Variants in LRRC37A2 observed in about 807,000 individuals in gnomAD.
LRRC37A2 encodes the protein leucine rich repeat containing 37 member A2, also known as leucine-rich repeat-containing protein 37A2.
A neutral mutation model predicts 68.8 loss-of-function variants in LRRC37A2; 9 were observed. The ratio of observed to expected loss-of-function variants is 0.13; its 90% CI spans 0.08 to 0.23. The LOEUF (loss-of-function observed/expected upper bound fraction) is 0.23, where lower values mean the gene tolerates loss of function less well. Among genes scored for constraint, LRRC37A2 ranks in the 10% least tolerant of loss-of-function variants. The pLI, the probability that LRRC37A2 is intolerant of heterozygous loss-of-function variation, is 1.00. For missense variants in LRRC37A2, 168 were observed against 950.4 expected, an observed-to-expected ratio of 0.18 and a Z score of 10.82; for synonymous variants, 63 against 367.6, an observed-to-expected ratio of 0.17 and a Z score of 9.48.
the LRRC37A2 span, among the ~76,000 whole-genome samples, chr17:46,877,556 G>A: frequency 2.6e-5 from 4 of 152,154 alleles, no homozygotes; most frequent in African/African-American, 7.2e-5. Flanking sequence ...GCCCCTCCCT[G>A]TGTTCCCTGC....
chr17:46,882,111 G>A, the LRRC37A2 span, among the ~76,000 whole-genome samples: 7 of 152,300 alleles, frequency 4.6e-5, no homozygotes, highest in Admixed American at 1.3e-4. Flanking sequence ...AGCTGTGATT[G>A]CACCACTGCC....
the LRRC37A2 span, chr17:46,874,825 G>A: frequency 1.6e-5 from 9 of 578,318 alleles, no homozygotes; most frequent in African/African-American, 9.4e-5. Context: ...TGATCCGCCC[G>A]CCTTGGCCTC....
At chr17:46,974,473 G>A in the LRRC37A2 span, among the ~76,000 whole-genome samples, 14 of 152,316 alleles carry the variant, frequency 9.2e-5, no homozygotes, top group African/African-American at 3.1e-4. Flanking sequence ...GGTGGCTCAC[G>A]CCTGTAATCC....
the LRRC37A2 span, among the ~76,000 whole-genome samples, chr17:46,989,419 G>T: frequency 6.6e-6 from 1 of 152,184 alleles, no homozygotes; most frequent in Non-Finnish European, 1.5e-5. Flanking sequence ...TTGAGGAATC[G>T]CTCTTCCCCA....
At chr17:46,877,182 C>A in the LRRC37A2 span, 1 of 674,554 alleles carries the variant, frequency 1.5e-6, no homozygotes, top group Non-Finnish European at 1.8e-6. Context: ...TGAGATGGGT[C>A]AATCGGGTCC....
the LRRC37A2 span, among the ~76,000 whole-genome samples, chr17:46,897,320 C>T: frequency 2.6e-5 from 4 of 152,166 alleles, no homozygotes; most frequent in South Asian, 2.1e-4. Context: ...AAGTCTAGGG[C>T]CACTGTCTCC....
At chr17:46,375,110 G>GA in the LRRC37A2 span, among the ~76,000 whole-genome samples, 1 of 67,192 alleles carries the variant, frequency 1.5e-5, no homozygotes, top group Admixed American at 1.4e-4. Flanking sequence ...TAGGGCCAAA[G>GA]ACTCTGGTTT....
At chr17:46,936,720 T>C in the LRRC37A2 span, 3 of 985,010 alleles carry the variant, frequency 3.0e-6, no homozygotes, top group African/African-American at 5.2e-5. Context: ...TGAAATAATC[T>C]GTGTGTTCAG....
At chr17:46,941,632 G>A in the LRRC37A2 span, 2 of 176,238 alleles carry the variant, frequency 1.1e-5, no homozygotes, top group Admixed American at 1.3e-4. Flanking sequence ...GGAGTGCAGT[G>A]GCGCAATCTT....
the LRRC37A2 span, among the ~76,000 whole-genome samples, chr17:46,959,879 G>C: frequency 7.6e-4 from 115 of 152,312 alleles, no homozygotes; most frequent in African/African-American, 2.5e-3. Context: ...GACTGAGCAG[G>C]AAGACCGATT....
the LRRC37A2 span, among the ~76,000 whole-genome samples, chr17:46,707,819 G>T: frequency 6.6e-6 from 1 of 151,990 alleles, no homozygotes; most frequent in African/African-American, 2.4e-5. Context: ...GTCACCTGAA[G>T]TCAGGAGTTC....
chr17:46,542,648 T>TGG lies in LRRC37A2; in HGVS notation c.3053+1768_3053+1769dup, dbSNP rs770687258. ...AGGTGGAGGTTGCAGTGAGCCAAGATGGCACCACTGCACTCCAGCTTGGGT... is the reference window on the plus strand; with the variant it reads ...AGGTGGAGGTTGCAGTGAGCCAAGATGGGGCACCACTGCACTCCAGCTTGGGT... On this transcript the variant is annotated intron_variant, in intron 8 of 14. Coordinates refer to ENST00000576629, the Ensembl canonical transcript of LRRC37A2. Among the ~76,000 whole-genome samples the TGG allele has an allele frequency of 8.7e-4, 131 of 150,436 alleles. 2 individuals carry two copies. The highest frequency in any genetic ancestry group is 1.4e-3 in the Non-Finnish European group (96 of 68,016).
At chr17:46,497,099 G>T in the LRRC37A2 span, among the ~76,000 whole-genome samples, 14 of 131,574 alleles carry the variant, frequency 1.1e-4, no homozygotes, top group Non-Finnish European at 1.6e-4. Context: ...TTGCCATGTT[G>T]CCCAGGCTGG....
At chr17:46,758,090 CCTTT>C in the LRRC37A2 span, among the ~76,000 whole-genome samples, 1 of 152,216 alleles carries the variant, frequency 6.6e-6, no homozygotes, top group African/African-American at 2.4e-5. Flanking sequence ...TAGAATTACT[CCTTT>C]CTGTGAAATG....
At chr17:46,771,144 C>A in the LRRC37A2 span, among the ~76,000 whole-genome samples, 2 of 152,212 alleles carry the variant, frequency 1.3e-5, no homozygotes, top group African/African-American at 4.8e-5. Flanking sequence ...GCCCCCACGC[C>A]CTCCTGCGCC....
the LRRC37A2 span, chr17:46,773,987 A>C: frequency 1.3e-6 from 2 of 1,551,640 alleles, no homozygotes; most frequent in Non-Finnish European, 1.7e-6. Context: ...CGCTTTGTGA[A>C]CCCTCCGGGG....
the LRRC37A2 span, among the ~76,000 whole-genome samples, chr17:46,887,832 A>G: frequency 2.0e-5 from 3 of 152,156 alleles, no homozygotes; most frequent in Non-Finnish European, 4.4e-5. Context: ...CACTCCTACT[A>G]TGTGCCAAAC....
At chr17:46,936,760 T>TA in the LRRC37A2 span, 1 of 983,624 alleles carries the variant, frequency 1.0e-6, no homozygotes, top group Non-Finnish European at 1.2e-6. Context: ...AAGAGTCTGA[T>TA]TGTATTGTCA....
chr17:46,845,787 T>TC, the LRRC37A2 span, among the ~76,000 whole-genome samples: 1 of 23,088 alleles, frequency 4.3e-5, no homozygotes, highest in Non-Finnish European at 6.1e-5. Context: ...TGTGCTGGCT[T>TC]TTTTTTTTTT....
Sources: allele counts gnomAD v4.1 joint callset (sites outside exome capture counted in the v4.1 genomes callset), GRCh38; gene constraint gnomAD v4.1.1; transcripts MANE v1.5; gene names NCBI Gene and HGNC (gene_info 2026-07-23, HGNC 2026-07-21).